The following SMURF2 variants were observed in gnomAD, a reference collection of about 807,000 sequenced individuals.
The protein encoded by SMURF2 is SMAD specific E3 ubiquitin protein ligase 2.
Under a neutral mutation model 109.6 loss-of-function variants are expected in SMURF2, and 48 were observed. That is an observed-to-expected ratio of 0.44 (90% CI 0.35 to 0.56). SMURF2 has a LOEUF of 0.56. Ranked by LOEUF, SMURF2 falls within the 20% of genes least tolerant of loss-of-function variation. The pLI, the probability that SMURF2 is intolerant of heterozygous loss-of-function variation, is 0.01. For synonymous variants in SMURF2, 288 were observed against 317.1 expected (o/e 0.91, Z 0.97); for missense variants, 575 against 909.0 (o/e 0.63, Z 4.72).
At chr17:64,583,323 T>C (rs1969602530) in intron 7 of SMURF2, 138 bp downstream of exon 7, 1 of 660,106 alleles carries the variant, frequency 1.5e-6, no homozygotes, top group Non-Finnish European at 2.7e-6. Flanking sequence ...AAAATAACAA[T>C]GGCACCTGTT....
intron 8 of SMURF2, among the ~76,000 whole-genome samples, chr17:64,579,928 GT>G (rs1555686410): frequency 6.6e-6 from 1 of 152,150 alleles, no homozygotes; most frequent in Admixed American, 6.5e-5. Flanking sequence ...TAATGGACAA[GT>G]TTTTTCAAAT....
chr17:64,603,575 C>T (rs1226481141), intron 2 of SMURF2, among the ~76,000 whole-genome samples: 3 of 135,286 alleles, frequency 2.2e-5, no homozygotes, highest in Non-Finnish European at 3.0e-5. Flanking sequence ...AGCAAGACTC[C>T]GTCGGGGGAA....
In SMURF2 at chr17:64,543,876, C is replaced by T. The variant is rs1213817051; in HGVS notation, c.*1972G>A. The T allele has an allele frequency of 6.6e-6, 1 of 152,056 alleles. No individual in the cohort carries two copies. The highest frequency in any genetic ancestry group is 1.5e-5 in the Non-Finnish European group (1 of 68,034). The allele number at this position is 152,056 out of a possible 1,614,324, so 9.4% of individuals were successfully genotyped here. A position where few individuals can be genotyped will look rare whatever the true frequency, so the allele number is the denominator to read the frequency against. ...TACTGATTATCAAATAGCATAGAAA[C>T]CACTTCCATACATTTCAAGATGCTC... On this transcript the variant is annotated 3_prime_UTR_variant, in exon 19 of 19. Transcript: ENST00000262435.
In SMURF2 at chr17:64,656,501, A is replaced by T. The variant is rs191040950; in HGVS notation, c.52+5328T>A. 2.9e-3 allele frequency among the ~76,000 whole-genome samples: 447 copies of T among 152,346 alleles called. 1 individual carries two copies. The highest frequency in any genetic ancestry group is 0.01 in the African/African-American group (429 of 41,592). On this transcript the variant is annotated intron_variant, in intron 1 of 18. Transcript: ENST00000262435. The stretch of plus-strand genomic sequence containing the variant: ...TGTAAAATGCAATTAGCTTATACTT[A>T]TAACAGAATAGTAAAAAGGGACATC...
At chr17:64,550,008 T>A (rs1264174196) in intron 16 of SMURF2, among the ~76,000 whole-genome samples, 1 of 152,230 alleles carries the variant, frequency 6.6e-6, no homozygotes. Context: ...TAAATTCTTT[T>A]CTTCAGAGGA....
chr17:64,554,540 C>T (rs1050574035), intron 15 of SMURF2, among the ~76,000 whole-genome samples: 10 of 152,084 alleles, frequency 6.6e-5, no homozygotes, highest in Non-Finnish European at 1.2e-4. Context: ...GACAGTGACC[C>T]CAGTCAACAG....
rs576600711 is a variant in SMURF2 at position 64,592,283 on chromosome 17, T to G, written c.335-1134A>C. 2.6e-5 allele frequency among the ~76,000 whole-genome samples: 4 copies of G among 152,372 alleles called. No homozygotes were observed. In the South Asian group the frequency reaches 8.3e-4, roughly 32 times the overall value. On this transcript the variant is annotated intron_variant, in intron 4 of 18. Coordinates refer to ENST00000262435, the MANE Select transcript of SMURF2 (RefSeq NM_022739.4). ...TGAACTAGGGATAATGTCAGACATT[T>G]GACCTATAAGTTTTCAGTTTGCTGA...
chr17:64,604,362 C>T (rs79636876), intron 2 of SMURF2, among the ~76,000 whole-genome samples: 7,643 of 152,194 alleles, frequency 0.05, 315 homozygotes, highest in Admixed American at 0.14. Context: ...TTACTGCCTA[C>T]ACCCATGAAA....
intron 1 of SMURF2, among the ~76,000 whole-genome samples, chr17:64,658,533 C>A (rs542526390): frequency 6.6e-6 from 1 of 152,102 alleles, no homozygotes; most frequent in Non-Finnish European, 1.5e-5. Flanking sequence ...ACAAGGTTAA[C>A]CTCCTTATTG....
At chr17:64,648,466 G>A (rs1555693187) in intron 1 of SMURF2, among the ~76,000 whole-genome samples, 1 of 152,154 alleles carries the variant, frequency 6.6e-6, no homozygotes, top group African/African-American at 2.4e-5. Flanking sequence ...GATCACGAAA[G>A]CCTGTTTTCA....
intron 1 of SMURF2, among the ~76,000 whole-genome samples, chr17:64,636,494 G>A (rs569491986): frequency 6.6e-5 from 10 of 151,516 alleles, no homozygotes; most frequent in South Asian, 2.1e-4. Flanking sequence ...TCCCGGCTAC[G>A]CGGGAGGCTG....
chr17:64,577,061 G>T (rs1969503811), intron 9 of SMURF2, among the ~76,000 whole-genome samples: 2 of 151,354 alleles, frequency 1.3e-5, no homozygotes, highest in African/African-American at 2.4e-5. Flanking sequence ...CCATTACTGG[G>T]TATATACCCA....
At chr17:64,593,615 G>C (rs782358961) in intron 3 of SMURF2, 42 bp from the exon 4 acceptor site, 1 of 1,445,056 alleles carries the variant, frequency 6.9e-7, no homozygotes, top group African/African-American at 1.4e-5. Flanking sequence ...GGTAGTTACA[G>C]GCAGTTGGCG....
At chr17:64,580,060 T>C (rs1462290109) in intron 8 of SMURF2, among the ~76,000 whole-genome samples, 3 of 152,234 alleles carry the variant, frequency 2.0e-5, no homozygotes, top group African/African-American at 7.2e-5. Flanking sequence ...GGTCATTAGA[T>C]GTCAACATCA....
intron 1 of SMURF2, among the ~76,000 whole-genome samples, chr17:64,619,362 C>T (rs1392422246): frequency 1.3e-5 from 2 of 151,192 alleles, no homozygotes; most frequent in Non-Finnish European, 2.9e-5. Flanking sequence ...CCTGTAGTCC[C>T]AGCTACTCTG....
rs1360101849 is a variant in SMURF2, at chr17:64,661,970, C to T, written c.-90G>A. ...GTCACCACAGCGGCCGGGGCTGGGG[C>T]CCGAGCAGCCGGCGCCTCGGCCGCC... On this transcript the variant is annotated 5_prime_UTR_variant, in exon 1 of 19. Coordinates refer to ENST00000262435, the MANE Select transcript of SMURF2 (RefSeq NM_022739.4). The T allele has an allele frequency of 8.9e-7, 1 of 1,123,136 alleles. No homozygotes were observed. Among genetic ancestry groups the T allele is most frequent in the Non-Finnish European group, 1.1e-6 (1 of 918,878 alleles). The allele number at this position is 1,123,136 out of a possible 1,614,324, so 69.6% of individuals were successfully genotyped here.
intron 1 of SMURF2, among the ~76,000 whole-genome samples, chr17:64,610,100 G>A (rs2144680353): frequency 6.6e-6 from 1 of 152,248 alleles, no homozygotes; most frequent in Middle Eastern, 3.4e-3. Context: ...TAAAAAGTCA[G>A]AAAACAACAG....
rs555750462 is a variant in SMURF2, at chr17:64,606,655, A to C, written c.53-15T>G. 2.1e-5 allele frequency: 31 copies of C among 1,507,486 alleles called. No individual in the cohort carries two copies. Among genetic ancestry groups the C allele is most frequent in the Non-Finnish European group, 2.4e-5 (27 of 1,116,834 alleles). The allele number at this position is 1,507,486 out of a possible 1,614,324, so 93.4% of individuals were successfully genotyped here. ...TGCACAGAGTACTGTAAAAAAAAAA[A>C]ACAAAAAATACATGGGAAAAATTAA... On this transcript the variant is annotated splice_polypyrimidine_tract_variant and intron_variant, in intron 1 of 18. Coordinates refer to ENST00000262435, the MANE Select transcript of SMURF2 (RefSeq NM_022739.4).
In SMURF2 at chr17:64,661,872, G is replaced by A; in HGVS notation, c.9C>T (p.Asn3=). 4 of 1,213,782 alleles carry A rather than the reference G, an allele frequency of 3.3e-6. No homozygotes were observed. Among genetic ancestry groups the A allele is most frequent in the Non-Finnish European group, 4.1e-6 (4 of 976,766 alleles). 75.2% of individuals were successfully genotyped at this position (1,213,782 alleles called of 1,614,324 possible). The part of the protein sequence containing the change: MS[N]PGGRRNGPVK... Reference sequence around the variant, plus strand: ...CGGGCCCGTTCCTCCGGCCTCCGGGGTTAGACATGTCCCCGGCGGCGGGGG... The same window carrying A: ...CGGGCCCGTTCCTCCGGCCTCCGGGATTAGACATGTCCCCGGCGGCGGGGG... The change falls in exon 1 of 19, where the codon AAC becomes AAT. Residue 3 remains asparagine (N), a synonymous_variant. Transcript: ENST00000262435.
Sources: allele counts gnomAD v4.1 joint callset (sites outside exome capture counted in the v4.1 genomes callset), GRCh38; gene constraint gnomAD v4.1.1; transcripts MANE v1.5; gene names NCBI Gene and HGNC (gene_info 2026-07-23, HGNC 2026-07-21).